KMO: variants seen among roughly 807,000 people sequenced by gnomAD.
KMO encodes the protein kynurenine 3-hydroxylase.
KMO carries 24 observed loss-of-function variants against 57.8 expected under a neutral mutation model. The observed-to-expected ratio is 0.42, with a 90% CI of 0.30 to 0.58. The LOEUF (loss-of-function observed/expected upper bound fraction) is 0.58. KMO is among the 20% of genes least tolerant of loss of function. KMO has a pLI of 0.22. For missense variants in KMO, 483 were observed against 588.2 expected (o/e 0.82, Z 1.85); for synonymous variants, 210 against 193.6 (o/e 1.08, Z -0.70).
Position 241,593,425 on chromosome 1 carries a change from C to A in KMO, c.*1272C>A. 1 of 382,436 alleles carries A rather than the reference C, an allele frequency of 2.6e-6. No homozygotes were observed. 23.7% of individuals were successfully genotyped at this position (382,436 alleles called of 1,614,324 possible). On this transcript the variant is annotated 3_prime_UTR_variant, in exon 15 of 15. Transcript: ENST00000366559. Reference sequence around the variant, plus strand: ...AATTATGAAGATGAAACACTAGAGTCATATAAGAAATAAAAATTGGGCAAT... The same window carrying A: ...AATTATGAAGATGAAACACTAGAGTAATATAAGAAATAAAAATTGGGCAAT...
chr1:241,592,067 T>C lies in KMO; in HGVS notation c.1375T>C (p.Trp459Arg), dbSNP rs1663325287. Residue 459 changes from tryptophan to arginine, a missense_variant, in exon 15 of 15, where the codon TGG (tryptophan) becomes CGG (arginine). Physicochemically the swap from Trp to Arg is moderately radical, Grantham distance 101 (BLOSUM62 -3). Coordinates refer to ENST00000366559, the MANE Select transcript of KMO (RefSeq NM_003679.5). Reference sequence around the variant, plus strand: ...CCTCCGCTTGAGAAGACCATGGAACTGGATAGCTCACTTCCGGAATACAAC... The same window carrying C: ...CCTCCGCTTGAGAAGACCATGGAACCGGATAGCTCACTTCCGGAATACAAC... ...SFLRLRRPWN[W>R]IAHFRNTTCF... 5 of 1,613,964 alleles carry C rather than the reference T, an allele frequency of 3.1e-6. No individual in the cohort carries two copies. The highest frequency in any genetic ancestry group is 2.7e-5 in the African/African-American group (2 of 74,904).
At chr1:241,536,518 C>T in intron 1 of KMO, 1 of 985,692 alleles carries the variant, frequency 1.0e-6, no homozygotes, top group Non-Finnish European at 1.2e-6. Flanking sequence ...TCAGTGACAG[C>T]TAAAGCTACT....
intron 2 of KMO, among the ~76,000 whole-genome samples, chr1:241,549,252 A>AGTCGGAAAGAAAGTCG (rs142921245): frequency 4.0e-4 from 7 of 17,376 alleles, no homozygotes; most frequent in Non-Finnish European, 9.3e-4. Context: ...AAAGAAAGAA[A>AGTCGGAAAGAAAGTCG]GAAAGAAAGA....
intron 10 of KMO, among the ~76,000 whole-genome samples, chr1:241,584,302 C>A (rs1168097927): frequency 2.0e-5 from 3 of 152,138 alleles, no homozygotes; most frequent in Non-Finnish European, 2.9e-5. Context: ...CAATGAGATA[C>A]CATCTCACAC....
chr1:241,590,460 C>G (rs959335161), intron 14 of KMO, among the ~76,000 whole-genome samples, 197 bp downstream of exon 14: 3 of 152,176 alleles, frequency 2.0e-5, no homozygotes, highest in African/African-American at 4.8e-5. Context: ...GCAAAGAGAG[C>G]TTTTGAAGGG....
intron 1 of KMO, 133 bp downstream of exon 1, chr1:241,532,631 T>C: frequency 1.6e-6 from 1 of 619,026 alleles, no homozygotes; most frequent in East Asian, 3.2e-5. Context: ...ATACAGCTAT[T>C]TTGTTTATTT....
chr1:241,557,713 A>G (rs1016955043), intron 5 of KMO, among the ~76,000 whole-genome samples: 1 of 152,214 alleles, frequency 6.6e-6, no homozygotes, highest in Non-Finnish European at 1.5e-5. Context: ...CTGTAATCCC[A>G]GCACCTTGGT....
Position 241,594,727 on chromosome 1 carries a change from A to G in KMO, c.*2574A>G. On this transcript the variant is annotated 3_prime_UTR_variant, in exon 15 of 15. Transcript: ENST00000366559. ...AAAAAATAAAGTGGAATATTAAGTAAAAGTTGGGCACTAATCTGGATTAAC... is the reference window on the plus strand; with the variant it reads ...AAAAAATAAAGTGGAATATTAAGTAGAAGTTGGGCACTAATCTGGATTAAC... The G allele has an allele frequency of 6.3e-7, 1 of 1,596,840 alleles. No homozygotes were observed. The highest frequency in any genetic ancestry group is 1.3e-5 in the African/African-American group (1 of 74,300).
chr1:241,548,991 G>T, intron 2 of KMO, 93 bp downstream of exon 2: 1 of 791,954 alleles, frequency 1.3e-6, no homozygotes, highest in Non-Finnish European at 2.2e-6. Flanking sequence ...TTGAGGCCGG[G>T]AGTTTGAGAC....
intron 1 of KMO, among the ~76,000 whole-genome samples, chr1:241,543,145 A>T (rs956924017): frequency 2.0e-5 from 3 of 152,172 alleles, no homozygotes; most frequent in Admixed American, 1.3e-4. Context: ...ATAAGCGGCC[A>T]TGAATCTACT....
chr1:241,592,012 A>T lies in KMO; in HGVS notation c.1320A>T (p.Leu440=). 4 of 1,614,000 alleles carry T rather than the reference A, an allele frequency of 2.5e-6. No individual in the cohort carries two copies. Among genetic ancestry groups the T allele is most frequent in the Non-Finnish European group, 3.4e-6 (4 of 1,179,912 alleles). The change falls in exon 15 of 15, where the codon CTA becomes CTT. Residue 440 remains leucine, a synonymous_variant. Coordinates refer to ENST00000366559, the MANE Select transcript of KMO (RefSeq NM_003679.5). ...TGATAGCCATCAGCAGTACCTACCTACTTATACACTACATGTCACCACGAT... is the reference window on the plus strand; with the variant it reads ...TGATAGCCATCAGCAGTACCTACCTTCTTATACACTACATGTCACCACGAT... ...GSLIAISSTY[L]LIHYMSPRSF...
intron 5 of KMO, among the ~76,000 whole-genome samples, chr1:241,559,115 G>T (rs1661743283): frequency 6.6e-6 from 1 of 150,638 alleles, no homozygotes; most frequent in Non-Finnish European, 1.5e-5. Flanking sequence ...AAAAAAAAAA[G>T]ATATTTTAAC....
intron 10 of KMO, among the ~76,000 whole-genome samples, chr1:241,579,917 C>T (rs1662686900): frequency 6.6e-6 from 1 of 152,140 alleles, no homozygotes; most frequent in Non-Finnish European, 1.5e-5. Flanking sequence ...CAGGAATAAC[C>T]TCCCTTGGTT....
chr1:241,537,885 A>T (rs907612004), intron 1 of KMO, among the ~76,000 whole-genome samples: 1 of 152,196 alleles, frequency 6.6e-6, no homozygotes, highest in African/African-American at 2.4e-5. Context: ...GGATTATGGA[A>T]GCTACAATTC....
Position 241,592,102 on chromosome 1 carries a change from C to G in KMO, c.1410C>G (p.Pro470=), listed in dbSNP as rs150853900. ...ACTTCCGGAATACAACATGTTTCCCCGCAAAGGCCGTGGACTCCCTAGAAC... is the reference window on the plus strand; with the variant it reads ...ACTTCCGGAATACAACATGTTTCCCGGCAAAGGCCGTGGACTCCCTAGAAC... ...IAHFRNTTCF[P]AKAVDSLEQI... is the part of the protein sequence containing the mutation. The change falls in exon 15 of 15, where the codon CCC becomes CCG. Residue 470 remains proline, a synonymous_variant. Transcript: ENST00000366559. 38 of 1,613,746 alleles carry G rather than the reference C, an allele frequency of 2.4e-5. No individual in the cohort carries two copies. Among genetic ancestry groups the G allele is most frequent in the Non-Finnish European group, 3.1e-5 (37 of 1,179,952 alleles).
Position 241,592,144 on chromosome 1 carries a change from T to G in KMO, c.1452T>G (p.Ile484Met). 6.2e-7 allele frequency: 1 copy of G among 1,613,004 alleles called. No homozygotes were observed. Among genetic ancestry groups the G allele is most frequent in the Non-Finnish European group, 8.5e-7 (1 of 1,179,388 alleles). Residue 484 changes from isoleucine to methionine, a missense_variant, in exon 15 of 15, where the codon ATT (isoleucine) becomes ATG (methionine). Physicochemically the swap from Ile to Met is conservative, Grantham distance 10. Transcript: ENST00000366559. Reference protein sequence around the residue: ...VDSLEQISNLISR With the variant: ...VDSLEQISNLMSR ...CCCTAGAACAAATTTCCAATCTCAT[T>G]AGCAGGTGATAGAAAGGTTTTGTGG...
rs640718 is a variant in KMO, at chr1:241,592,623, A to G, written c.*470A>G. 0.15 allele frequency: 22,772 copies of G among 154,742 alleles called. 2,460 individuals are homozygous for G. Among genetic ancestry groups the G allele is most frequent in the African/African-American group, 0.27 (11,282 of 41,354 alleles). 9.6% of individuals were successfully genotyped at this position (154,742 alleles called of 1,614,324 possible). A position where few individuals can be genotyped will look rare whatever the true frequency, so the allele number is the denominator to read the frequency against. ...TCAGACTTACTAGATAAAACCAGAA[A>G]TGGAAATAAGGAATTCAGGGGAGTT... On this transcript the variant is annotated 3_prime_UTR_variant, in exon 15 of 15. Transcript: ENST00000366559.
rs547756018 is a variant in KMO, at chr1:241,589,326, T to A, written c.1098+496T>A. Reference sequence around the variant, plus strand: ...ATTAGTACTTTGAAAAAAAAACATATTAATTCCATTTTGAACCAGTCACAT... The same window carrying A: ...ATTAGTACTTTGAAAAAAAAACATAATAATTCCATTTTGAACCAGTCACAT... On this transcript the variant is annotated intron_variant, in intron 12 of 14. Coordinates refer to ENST00000366559, the MANE Select transcript of KMO (RefSeq NM_003679.5). 2.0e-5 allele frequency among the ~76,000 whole-genome samples: 3 copies of A among 152,228 alleles called. No individual in the cohort carries two copies. The East Asian group carries it at 5.8e-4, about 29-fold the overall frequency.
At chr1:241,548,940 G>T (rs776040716) in intron 2 of KMO, 42 bp downstream of exon 2, 13 of 1,353,368 alleles carry the variant, frequency 9.6e-6, no homozygotes, top group Non-Finnish European at 1.4e-5. Context: ...GCTGGGCACG[G>T]TGGCTCCTGG....
Sources: allele counts gnomAD v4.1 joint callset (sites outside exome capture counted in the v4.1 genomes callset), GRCh38; gene constraint gnomAD v4.1.1; transcripts MANE v1.5; gene names NCBI Gene and HGNC (gene_info 2026-07-23, HGNC 2026-07-21).